KLHL1: variants seen among roughly 807,000 people sequenced by gnomAD.
KLHL1 encodes the protein kelch-like protein 1.
Under a neutral mutation model 77.7 loss-of-function variants are expected in KLHL1, and 47 were observed. The ratio of observed to expected loss-of-function variants is 0.60; its 90% CI spans 0.48 to 0.77. The LOEUF (loss-of-function observed/expected upper bound fraction) is 0.77, where lower values mean the gene tolerates loss of function less well. Ranked by LOEUF, KLHL1 falls within the 30% of genes least tolerant of loss-of-function variation. The probability of loss-of-function intolerance (pLI) is 0.00; values close to 1 mark genes in which losing one functional copy is unlikely to be tolerated. For missense variants in KLHL1, 925 were observed against 910.8 expected (o/e 1.02, Z -0.20); for synonymous variants, 360 against 325.2 (o/e 1.11, Z -1.15).
At chr13:70,062,163 G>A (rs1165348677) in intron 1 of KLHL1, among the ~76,000 whole-genome samples, 1 of 152,028 alleles carries the variant, frequency 6.6e-6, no homozygotes, top group South Asian at 2.1e-4. Context: ...TGGGAAGCAC[G>A]CTTGTATTTT....
Position 70,074,164 on chromosome 13 carries a change from A to C in KLHL1, c.497+33039T>G, listed in dbSNP as rs949858962. 7.9e-5 allele frequency among the ~76,000 whole-genome samples: 12 copies of C among 152,048 alleles called. 1 individual carries two copies. Among genetic ancestry groups the C allele is most frequent in the African/African-American group, 2.7e-4 (11 of 41,364 alleles). On this transcript the variant is annotated intron_variant, in intron 1 of 10. Coordinates refer to ENST00000377844, the MANE Select transcript of KLHL1 (RefSeq NM_020866.3). ...GCACCCGGCCCATAAAAATTTTGAT[A>C]TTCAGCATGATTTGAAGAATTAAGA...
intron 3 of KLHL1, among the ~76,000 whole-genome samples, chr13:69,947,063 TG>T: frequency 8.4e-6 from 1 of 119,466 alleles, no homozygotes; most frequent in African/African-American, 3.3e-5. Context: ...TGTGTGTGTG[TG>T]TGTGTGTGTG....
intron 3 of KLHL1, among the ~76,000 whole-genome samples, chr13:69,960,017 T>C (rs1033678048): frequency 2.0e-5 from 3 of 151,528 alleles, no homozygotes; most frequent in Admixed American, 6.6e-5. Flanking sequence ...TTTCTCTTTA[T>C]CAAAATATTA....
At chr13:69,718,956 GAAGAA>G (rs1872902679) in intron 9 of KLHL1, among the ~76,000 whole-genome samples, 1 of 152,046 alleles carries the variant, frequency 6.6e-6, no homozygotes, top group African/African-American at 2.4e-5. Flanking sequence ...AACAAGAACA[GAAGAA>G]TAGAACACAG....
intron 7 of KLHL1, among the ~76,000 whole-genome samples, chr13:69,765,552 G>A (rs769672831): frequency 5.9e-5 from 9 of 152,026 alleles, no homozygotes; most frequent in Non-Finnish European, 4.4e-5. Flanking sequence ...TACAATGTCC[G>A]TGTCACAATG....
At chr13:70,089,117 A>G (rs1387285605) in intron 1 of KLHL1, among the ~76,000 whole-genome samples, 1 of 152,184 alleles carries the variant, frequency 6.6e-6, no homozygotes, top group African/African-American at 2.4e-5. Context: ...AATCAACATA[A>G]GAATGGGTGG....
At chr13:69,949,563 TA>T (rs1420026712) in intron 3 of KLHL1, among the ~76,000 whole-genome samples, 1 of 151,798 alleles carries the variant, frequency 6.6e-6, no homozygotes, top group Non-Finnish European at 1.5e-5. Flanking sequence ...TACCTTTACA[TA>T]CTGTACTCTC....
intron 7 of KLHL1, among the ~76,000 whole-genome samples, chr13:69,781,591 T>C (rs1326198061): frequency 6.6e-6 from 1 of 152,116 alleles, no homozygotes; most frequent in Non-Finnish European, 1.5e-5. Context: ...TTCATGCTTG[T>C]TGTTCTCATT....
intron 5 of KLHL1, among the ~76,000 whole-genome samples, chr13:69,872,776 G>A (rs933769283): frequency 4.6e-5 from 7 of 152,076 alleles, no homozygotes; most frequent in African/African-American, 1.7e-4. Context: ...CAGTGGGAGG[G>A]GCAAGGCTCT....
intron 4 of KLHL1, among the ~76,000 whole-genome samples, chr13:69,905,706 T>A (rs1223528014): frequency 6.6e-6 from 1 of 152,096 alleles, no homozygotes; most frequent in Non-Finnish European, 1.5e-5. Flanking sequence ...AACAATAATA[T>A]CATTATTTCC....
rs751899459 is a variant in KLHL1, at chr13:69,719,527, A to G, written c.1857T>C (p.Tyr619=). The part of the protein sequence containing the change: ...DGSSCLSSME[Y]YDPHTNKWNM... ...TCCACTTATTTGTATGAGGATCATA[A>G]TATTCCATTGAACTCAAACAGGAAC... is the stretch of plus-strand genomic sequence containing the variant. Residue 619 remains tyrosine (Y), a synonymous_variant, in exon 9 of 11, where the codon TAT becomes TAC. Transcript: ENST00000377844. 1 of 1,613,462 alleles carries G rather than the reference A, an allele frequency of 6.2e-7. No individual in the cohort carries two copies. Among genetic ancestry groups the G allele is most frequent in the South Asian group, 1.1e-5 (1 of 91,068 alleles).
intron 1 of KLHL1, among the ~76,000 whole-genome samples, chr13:70,099,558 T>C (rs9542176): frequency 0.16 from 24,167 of 151,850 alleles, 2,205 homozygotes; most frequent in East Asian, 0.24. Context: ...ACTCAAGAAG[T>C]ATTTGGCCCC....
intron 9 of KLHL1, among the ~76,000 whole-genome samples, chr13:69,714,450 A>G (rs933718351): frequency 6.6e-6 from 1 of 152,154 alleles, no homozygotes; most frequent in Non-Finnish European, 1.5e-5. Context: ...CAGTTTAAAC[A>G]AACTTTAAAA....
In KLHL1 at chr13:69,944,642, C is replaced by T. The variant is rs2482573; in HGVS notation, c.818-4406G>A. ...ATATTGCTAAGATTTCATTTCACAC[C>T]AAATTAATCTATAGATGTACTACAA... On this transcript the variant is annotated intron_variant, in intron 3 of 10. Transcript: ENST00000377844. Among the ~76,000 whole-genome samples the T allele has an allele frequency of 6.4e-3, 980 of 152,224 alleles. 15 individuals carry two copies. The highest frequency in any genetic ancestry group is 0.023 in the African/African-American group (935 of 41,522).
chr13:69,876,226 CA>C (rs1309636476), intron 5 of KLHL1, among the ~76,000 whole-genome samples: 3 of 152,080 alleles, frequency 2.0e-5, no homozygotes, highest in Admixed American at 6.5e-5. Flanking sequence ...ACTGTGATTT[CA>C]AAAGGCTCCT....
chr13:69,753,569 TTTTA>T (rs1446867177), intron 7 of KLHL1, among the ~76,000 whole-genome samples: 1 of 152,156 alleles, frequency 6.6e-6, no homozygotes, highest in African/African-American at 2.4e-5. Flanking sequence ...CAAATCTAGA[TTTTA>T]TTTTTCAATA....
chr13:69,969,548 C>T (rs1218178381), intron 2 of KLHL1, among the ~76,000 whole-genome samples: 1 of 151,600 alleles, frequency 6.6e-6, no homozygotes, highest in Admixed American at 6.6e-5. Flanking sequence ...TAAAGTTAAC[C>T]AGCTTAATCT....
chr13:69,784,336 G>GTTAAC (rs1182731131), intron 7 of KLHL1, among the ~76,000 whole-genome samples: 3 of 150,192 alleles, frequency 2.0e-5, no homozygotes, highest in Admixed American at 2.0e-4. Context: ...ACATAACAAT[G>GTTAAC]TTAACTTTAA....
intron 7 of KLHL1, among the ~76,000 whole-genome samples, chr13:69,793,617 GTATAA>G (rs951381540): frequency 7.9e-5 from 12 of 151,618 alleles, no homozygotes; most frequent in Admixed American, 5.3e-4. Flanking sequence ...TCACTTGAAT[GTATAA>G]TATGTTATTA....
Sources: gnomAD v4.1 joint callset for allele counts (sites outside exome capture counted in the v4.1 genomes callset) on GRCh38, gnomAD v4.1.1 for gene constraint, MANE v1.5 for transcripts, NCBI Gene and HGNC (gene_info 2026-07-23, HGNC 2026-07-21) for gene names.